The following BOP1 variants were observed in gnomAD, a reference collection of about 807,000 sequenced individuals.
BOP1 encodes the protein BOP1 ribosomal biogenesis factor, also known as ribosome biogenesis protein BOP1.
Under a neutral mutation model 82.9 loss-of-function variants are expected in BOP1, and 54 were observed. That is an observed-to-expected ratio of 0.65 (90% CI 0.52 to 0.82). The LOEUF (loss-of-function observed/expected upper bound fraction) is 0.82. Ranked by LOEUF, BOP1 falls within the 40% of genes least tolerant of loss-of-function variation. The pLI is 0.00. For missense variants in BOP1, 1,170 were observed against 1,072.0 expected (o/e 1.09, Z -1.28); for synonymous variants, 566 against 451.1 (o/e 1.25, Z -3.23).
In BOP1 at chr8:144,264,009, T is replaced by A. The variant is rs1057504395; in HGVS notation, c.1112A>T (p.Tyr371Phe). The change falls in exon 8 of 16, where the codon TAC becomes TTC. Residue 371 changes from tyrosine (Y) to phenylalanine (F), a missense_variant. Transcript: ENST00000569669. ...CATCTTGCGCTGCCGTGGGCACAGG[T>A]ACAGGTCAAGGCAGCGCTCGAAGCG... ...QERFERCLDL[Y>F]LCPRQRKMRV... is the part of the protein sequence containing the mutation. 86 of 1,609,034 alleles carry A rather than the reference T, an allele frequency of 5.3e-5. No individual in the cohort carries two copies. In the African/African-American group the frequency reaches 1.0e-3, roughly 19 times the overall value.
intron 3 of BOP1, among the ~76,000 whole-genome samples, chr8:144,267,904 A>G (rs1044190612): frequency 1.4e-4 from 22 of 152,196 alleles, no homozygotes; most frequent in South Asian, 2.1e-4. Context: ...GGGCCTGAAC[A>G]TCTGGGAAAT....
intron 3 of BOP1, among the ~76,000 whole-genome samples, chr8:144,270,412 T>C (rs909446160): frequency 6.6e-6 from 1 of 152,026 alleles, no homozygotes; most frequent in African/African-American, 2.4e-5. Flanking sequence ...GCTGAAAGGA[T>C]CCCCAGGGCC....
chr8:144,276,697 C>A (rs1395589545), intron 2 of BOP1, among the ~76,000 whole-genome samples: 1 of 152,246 alleles, frequency 6.6e-6, no homozygotes, highest in African/African-American at 2.4e-5. Context: ...CCAGGGGCCC[C>A]ACATGGCGCT....
At chr8:144,269,378 T>C (rs1251228295) in intron 3 of BOP1, among the ~76,000 whole-genome samples, 1 of 152,036 alleles carries the variant, frequency 6.6e-6, no homozygotes, top group Non-Finnish European at 1.5e-5. Context: ...AGTTCCCCGC[T>C]AGCACAGGCA....
intron 3 of BOP1, 96 bp from the exon 4 acceptor site, chr8:144,265,167 G>T: frequency 7.0e-7 from 1 of 1,421,132 alleles, no homozygotes; most frequent in Non-Finnish European, 9.6e-7. Flanking sequence ...TGCAGGGGGA[G>T]TGCAGGCCCA....
At chr8:144,273,601 C>A (rs1391787585) in intron 3 of BOP1, among the ~76,000 whole-genome samples, 1 of 152,264 alleles carries the variant, frequency 6.6e-6, no homozygotes, top group Non-Finnish European at 1.5e-5. Flanking sequence ...TTTCTCCCAA[C>A]CGCTCAAATC....
intron 2 of BOP1, among the ~76,000 whole-genome samples, chr8:144,280,399 G>C (rs1588602996): frequency 6.6e-6 from 1 of 152,238 alleles, no homozygotes; most frequent in East Asian, 1.9e-4. Flanking sequence ...CCAGCACCCA[G>C]ACCCCAGAAC....
chr8:144,288,867 G>A (rs1023513088), intron 2 of BOP1, among the ~76,000 whole-genome samples: 5 of 152,238 alleles, frequency 3.3e-5, no homozygotes, highest in African/African-American at 4.8e-5. Flanking sequence ...ATCGTCTGAC[G>A]GGGAAGGGCC....
chr8:144,286,744 C>A (rs1384215001), intron 2 of BOP1, among the ~76,000 whole-genome samples: 2 of 152,256 alleles, frequency 1.3e-5, no homozygotes, highest in Non-Finnish European at 2.9e-5. Flanking sequence ...GCCCGGCCGG[C>A]CTTGCCACCT....
chr8:144,276,330 A>G (rs1845567775), intron 2 of BOP1, 26 bp from the exon 3 acceptor site: 29 of 1,608,880 alleles, frequency 1.8e-5, no homozygotes, highest in Non-Finnish European at 2.3e-5. Flanking sequence ...GAAAATGGTC[A>G]CTTCAGGGGA....
At chr8:144,290,745 G>A (rs889529097) in intron 1 of BOP1, among the ~76,000 whole-genome samples, 25 of 152,044 alleles carry the variant, frequency 1.6e-4, no homozygotes, top group African/African-American at 5.3e-4. Flanking sequence ...CAGCGCGGCC[G>A]CGGCCGAGGG....
chr8:144,276,835 G>A (rs940223727), intron 2 of BOP1, among the ~76,000 whole-genome samples: 2 of 152,148 alleles, frequency 1.3e-5, no homozygotes, highest in African/African-American at 2.4e-5. Context: ...CACCCATCCC[G>A]GGGGCCACGT....
chr8:144,276,076 G>A (rs1314025860), intron 3 of BOP1, 148 bp downstream of exon 3: 9 of 854,466 alleles, frequency 1.1e-5, no homozygotes, highest in Admixed American at 1.9e-5. Context: ...GAAGCAGGAC[G>A]CCCACGTGGG....
chr8:144,265,462 G>C (rs1013376628), intron 3 of BOP1: 3 of 304,412 alleles, frequency 9.9e-6, no homozygotes, highest in Non-Finnish European at 1.2e-5. Flanking sequence ...ACGGGGACTC[G>C]GGGAAGACCC....
At position 144,281,617 on chromosome 8, in the gene BOP1, G is replaced by A. The variant is rs1338394533; in HGVS notation, c.310-5313C>T. ...TCTCTCACTTTAATACCAGGTCTTAGGCCTTCTCTTACTTTAATACTAGGT... is the reference window on the plus strand; with the variant it reads ...TCTCTCACTTTAATACCAGGTCTTAAGCCTTCTCTTACTTTAATACTAGGT... On this transcript the variant is annotated intron_variant, in intron 2 of 15. Transcript: ENST00000569669. 3 of 150,842 alleles carry A rather than the reference G, an allele frequency of 2.0e-5. 1 individual carries two copies. Among genetic ancestry groups the A allele is most frequent in the Non-Finnish European group, 4.4e-5 (3 of 68,104 alleles). The allele number at this position is 150,842 out of a possible 1,614,324, so 9.3% of individuals were successfully genotyped here.
chr8:144,283,971 G>A (rs1554839198), intron 2 of BOP1, among the ~76,000 whole-genome samples: 1 of 152,186 alleles, frequency 6.6e-6, no homozygotes, highest in African/African-American at 2.4e-5. Flanking sequence ...ACAGACATTA[G>A]CCGGGCGTGA....
intron 8 of BOP1, 24 bp downstream of exon 8, chr8:144,263,957 C>A (rs2130197903): frequency 6.2e-7 from 1 of 1,611,156 alleles, no homozygotes; most frequent in Non-Finnish European, 8.5e-7. Flanking sequence ...TGTGCCACCC[C>A]CCTGGTGTGC....
rs1554840194 is a variant in BOP1, at chr8:144,291,338, C to T, written c.33G>A (p.Ala11=). MAGSRGAGRT[A]APSVRPEKRR... is the part of the protein sequence containing the mutation. Reference sequence around the variant, plus strand: ...GCTTCTCCGGCCGCACGCTCGGCGCCGCCGTGCGCCCCGCACCCCGCGAAC... The same window carrying T: ...GCTTCTCCGGCCGCACGCTCGGCGCTGCCGTGCGCCCCGCACCCCGCGAAC... Residue 11 remains alanine (A), a synonymous_variant, in exon 1 of 16, where the codon GCG becomes GCA. Coordinates refer to ENST00000569669, the MANE Select transcript of BOP1 (RefSeq NM_015201.5). This position sits in a 1 kb window ranked among gnomAD's most constrained non-coding sequence, Gnocchi z 4.1. 1 of 1,409,722 alleles carries T rather than the reference C, an allele frequency of 7.1e-7. No homozygotes were observed. Among genetic ancestry groups the T allele is most frequent in the Admixed American group, 2.7e-5 (1 of 37,444 alleles). 87.3% of individuals were successfully genotyped at this position (1,409,722 alleles called of 1,614,324 possible).
chr8:144,268,189 G>A, intron 3 of BOP1: 1 of 1,548,830 alleles, frequency 6.5e-7, no homozygotes, highest in Non-Finnish European at 8.7e-7. Flanking sequence ...GGGGGAGGTG[G>A]ACGCCCGGGG....
Sources: allele counts gnomAD v4.1 joint callset (sites outside exome capture counted in the v4.1 genomes callset), GRCh38; gene constraint gnomAD v4.1.1; non-coding constraint Gnocchi (gnomAD v3.1); transcripts MANE v1.5; gene names NCBI Gene and HGNC (gene_info 2026-07-23, HGNC 2026-07-21).